The following SGCD variants were observed in gnomAD, a reference collection of about 807,000 sequenced individuals.
The protein encoded by SGCD is delta-sarcoglycan.
A neutral mutation model predicts 36.6 loss-of-function variants in SGCD; 18 were observed. The observed-to-expected ratio is 0.49, with a 90% confidence interval of 0.34 to 0.73. The LOEUF (loss-of-function observed/expected upper bound fraction) is 0.73, where lower values mean the gene tolerates loss of function less well. Ranked by LOEUF, SGCD falls within the 30% of genes least tolerant of loss-of-function variation. The probability of loss-of-function intolerance (pLI) is 0.01; values close to 1 mark genes in which losing one functional copy is unlikely to be tolerated. For synonymous variants in SGCD, 133 were observed against 130.6 expected (o/e 1.02, Z -0.12); for missense variants, 387 against 346.7 (o/e 1.12, Z -0.92).
intron 4 of SGCD, among the ~76,000 whole-genome samples, chr5:156,588,775 G>A (rs1053486844): frequency 6.6e-6 from 1 of 152,132 alleles, no homozygotes; most frequent in Non-Finnish European, 1.5e-5. Flanking sequence ...ATGCCCGAGG[G>A]GCAGATCTTG....
intron 4 of SGCD, among the ~76,000 whole-genome samples, chr5:156,572,454 G>C (rs1368302): frequency 2.6e-3 from 402 of 152,152 alleles, no homozygotes; most frequent in African/African-American, 9.4e-3. Context: ...TAGTGGGTGT[G>C]AAGAATTACC....
intron 3 of SGCD, among the ~76,000 whole-genome samples, chr5:156,368,771 C>T (rs557384708): frequency 3.3e-5 from 5 of 152,186 alleles, no homozygotes; most frequent in South Asian, 4.1e-4. Context: ...ATCTAATGCC[C>T]GATGATCTGT....
At chr5:156,542,862 GT>G (rs1341020257) in intron 4 of SGCD, among the ~76,000 whole-genome samples, 1 of 152,136 alleles carries the variant, frequency 6.6e-6, no homozygotes, top group African/African-American at 2.4e-5. Flanking sequence ...CAAATCAGGG[GT>G]AACTGCAGAG....
intron 3 of SGCD, among the ~76,000 whole-genome samples, chr5:156,262,898 GGTGTGTGTGT>G (rs66684897): frequency 6.8e-6 from 1 of 147,778 alleles, no homozygotes; most frequent in Non-Finnish European, 1.5e-5. Context: ...AGTATTCCAT[GGTGTGTGTGT>G]GTGTGTGTGT....
intron 3 of SGCD, among the ~76,000 whole-genome samples, chr5:156,184,815 C>G (rs1763696059): frequency 6.6e-6 from 1 of 152,134 alleles, no homozygotes; most frequent in African/African-American, 2.4e-5. Flanking sequence ...ACCACCAGCC[C>G]AAGAGGAGCC....
chr5:155,996,863 G>GGATGGATAGATAGATAGATAGATA (rs367879360), intron 1 of SGCD, among the ~76,000 whole-genome samples: 3 of 133,470 alleles, frequency 2.2e-5, no homozygotes, highest in African/African-American at 7.9e-5. Context: ...CTGGATGGAT[G>GGATGGATAGATAGATAGATAGATA]GATAGATAGA....
At chr5:155,843,664 G>A in the SGCD span, among the ~76,000 whole-genome samples, 24 of 152,342 alleles carry the variant, frequency 1.6e-4, 1 homozygote, top group African/African-American at 5.5e-4. Context: ...CAATATAGAA[G>A]AGGAGAGGTA....
intron 3 of SGCD, among the ~76,000 whole-genome samples, chr5:156,424,641 G>A (rs1283431321): frequency 6.6e-6 from 1 of 152,044 alleles, no homozygotes; most frequent in East Asian, 1.9e-4. Context: ...TAGGTAGTAT[G>A]CTAGGTATTT....
At chr5:155,747,747 T>C in the SGCD span, among the ~76,000 whole-genome samples, 2 of 152,202 alleles carry the variant, frequency 1.3e-5, no homozygotes, top group African/African-American at 2.4e-5. Context: ...GGGAAATCTT[T>C]GAGTTGTTTT....
At chr5:156,243,502 A>G (rs1765356970) in intron 3 of SGCD, among the ~76,000 whole-genome samples, 2 of 152,204 alleles carry the variant, frequency 1.3e-5, no homozygotes, top group Admixed American at 1.3e-4. Context: ...ACCCAGTGGC[A>G]TTGCATTGAG....
chr5:156,214,778 T>G (rs1764531772), intron 3 of SGCD, among the ~76,000 whole-genome samples: 4 of 151,902 alleles, frequency 2.6e-5, no homozygotes, highest in Admixed American at 6.6e-5. Flanking sequence ...GAATAGAGAC[T>G]CCAGAAATAA....
chr5:156,728,508 C>CCAA (rs1383025380), intron 7 of SGCD, among the ~76,000 whole-genome samples: 1 of 46,526 alleles, frequency 2.1e-5, no homozygotes, highest in African/African-American at 8.6e-5. Context: ...GAGACTCTGT[C>CCAA]AAAAAAAAAA....
rs548587610 is a variant in SGCD at position 156,533,187 on chromosome 5, C to G, written c.294+24485C>G. Among the ~76,000 whole-genome samples the G allele has an allele frequency of 1.4e-4, 22 of 152,264 alleles. No homozygotes were observed. In the South Asian group the frequency reaches 1.5e-3, roughly 10 times the overall value. On this transcript the variant is annotated intron_variant, in intron 4 of 8. Transcript: ENST00000337851. Reference sequence around the variant, plus strand: ...GTTTCTCTGGTCATTCCTCACACCCCCTCTGATGGCTTCTGTACTGTAGTT... The same window carrying G: ...GTTTCTCTGGTCATTCCTCACACCCGCTCTGATGGCTTCTGTACTGTAGTT...
At chr5:156,229,301 A>ATATATATATATATATATATAT (rs1764953527) in intron 3 of SGCD, among the ~76,000 whole-genome samples, 1 of 5,120 alleles carries the variant, frequency 2.0e-4, no homozygotes, top group African/African-American at 4.2e-4. Context: ...TATATATATA[A>ATATATATATATATATATATAT]AATTAGTTCT....
intron 3 of SGCD, among the ~76,000 whole-genome samples, chr5:156,278,710 C>T (rs569007184): frequency 6.6e-6 from 1 of 152,262 alleles, no homozygotes; most frequent in African/African-American, 2.4e-5. Flanking sequence ...TTACCTTTTT[C>T]ATTGCAGTGT....
At chr5:155,903,564 C>T (rs1205558127) in intron 1 of SGCD, among the ~76,000 whole-genome samples, 1 of 152,022 alleles carries the variant, frequency 6.6e-6, no homozygotes, top group Non-Finnish European at 1.5e-5. Flanking sequence ...AAGCAGCTTC[C>T]CACATGGGGG....
chr5:156,277,235 T>C (rs1766341158), intron 3 of SGCD, among the ~76,000 whole-genome samples: 1 of 152,106 alleles, frequency 6.6e-6, no homozygotes, highest in African/African-American at 2.4e-5. Flanking sequence ...TCGCCAAAAT[T>C]CAAGGAGGCT....
At chr5:155,948,358 C>T (rs1343436338) in intron 1 of SGCD, among the ~76,000 whole-genome samples, 2 of 152,174 alleles carry the variant, frequency 1.3e-5, no homozygotes, top group Non-Finnish European at 2.9e-5. Flanking sequence ...TCAACATATA[C>T]ATTTTGCTTT....
intron 4 of SGCD, among the ~76,000 whole-genome samples, chr5:156,552,326 T>C (rs1380790153): frequency 6.6e-6 from 1 of 152,200 alleles, no homozygotes; most frequent in East Asian, 1.9e-4. Context: ...GTTGAGAAGA[T>C]GTGAAACGGA....
Sources: gnomAD v4.1 joint callset for allele counts (sites outside exome capture counted in the v4.1 genomes callset) on GRCh38, gnomAD v4.1.1 for gene constraint, MANE v1.5 for transcripts, NCBI Gene and HGNC (gene_info 2026-07-23, HGNC 2026-07-21) for gene names.